The following CRHR1 variants were observed in gnomAD, a reference collection of about 807,000 sequenced individuals.
The protein encoded by CRHR1 is corticotropin-releasing hormone receptor 1.
CRHR1 carries 28 observed loss-of-function variants against 56.0 expected under a neutral mutation model. The ratio of observed to expected loss-of-function variants is 0.50; its 90% CI spans 0.37 to 0.69. The LOEUF (loss-of-function observed/expected upper bound fraction) is 0.69, where lower values mean the gene tolerates loss of function less well. Among genes scored for constraint, CRHR1 ranks in the 30% least tolerant of loss-of-function variants. The pLI is 0.00. For missense variants in CRHR1, 376 were observed against 548.0 expected (o/e 0.69, Z 3.13); for synonymous variants, 195 against 216.5 (o/e 0.90, Z 0.87).
chr17:45,829,280 G>C lies in CRHR1; in HGVS notation c.393G>C (p.Leu131=). ...IINYLGHCIS[L]VALLVAFVLF... ...ACTACCTGGGCCACTGTATCTCCCT[G>C]GTGGCCCTCCTGGTGGCCTTTGTCC... Residue 131 remains leucine (L), a synonymous_variant, in exon 5 of 13, where the codon CTG becomes CTC. Transcript: ENST00000314537. The C allele has an allele frequency of 2.5e-6, 4 of 1,614,118 alleles. No homozygotes were observed. The highest frequency in any genetic ancestry group is 3.4e-6 in the Non-Finnish European group (4 of 1,180,016).
In CRHR1 at chr17:45,797,436, G is replaced by T. The variant is rs563590275; in HGVS notation, c.34-9574G>T. Among the ~76,000 whole-genome samples the T allele has an allele frequency of 2.6e-5, 4 of 151,892 alleles. No individual in the cohort carries two copies. In the South Asian group the frequency reaches 8.4e-4, roughly 32 times the overall value. ...CTCCCGAGGAGCTGGGACTACAGGC[G>T]CCCGCCACCACGCCCAGCTAGTTTT... On this transcript the variant is annotated intron_variant, in intron 1 of 12. Transcript: ENST00000314537.
At chr17:45,815,871 C>A (rs891155200) in intron 2 of CRHR1, among the ~76,000 whole-genome samples, 1 of 152,218 alleles carries the variant, frequency 6.6e-6, no homozygotes, top group African/African-American at 2.4e-5. Context: ...TGTCCTAGGG[C>A]CCTGCACAGA....
chr17:45,795,725 T>G (rs963314577), intron 1 of CRHR1, among the ~76,000 whole-genome samples: 8 of 151,980 alleles, frequency 5.3e-5, no homozygotes, highest in African/African-American at 1.9e-4. Context: ...TGGGGGTGAG[T>G]TGTGAGAAAT....
In CRHR1 at chr17:45,835,188, C is replaced by T. The variant is rs118021845; in HGVS notation, c.*424C>T. 9 of 190,384 alleles carry T rather than the reference C, an allele frequency of 4.7e-5. No individual in the cohort carries two copies. Among genetic ancestry groups the T allele is most frequent in the Admixed American group, 2.3e-4 (4 of 17,662 alleles). The allele number at this position is 190,384 out of a possible 1,614,324, so 11.8% of individuals were successfully genotyped here. On this transcript the variant is annotated 3_prime_UTR_variant, in exon 13 of 13. Coordinates refer to ENST00000314537, the MANE Select transcript of CRHR1 (RefSeq NM_004382.5). ...CTGCCCTGGGGCATCATGGGCAACT[C>T]GTGACAGCCTCTGACTCACCACGAT...
chr17:45,791,436 GAGAC>G (rs1181498311), intron 1 of CRHR1, among the ~76,000 whole-genome samples: 1 of 152,178 alleles, frequency 6.6e-6, no homozygotes, highest in East Asian at 1.9e-4. Flanking sequence ...GGAAGATGCG[GAGAC>G]AGACAGACAG....
At chr17:45,788,295 C>G (rs1458999336) in intron 1 of CRHR1, among the ~76,000 whole-genome samples, 3 of 152,208 alleles carry the variant, frequency 2.0e-5, no homozygotes, top group African/African-American at 7.2e-5. Flanking sequence ...ACAGGTAGGT[C>G]ACCTTCCCTC....
At chr17:45,810,455 C>T (rs2061800795) in intron 2 of CRHR1, among the ~76,000 whole-genome samples, 1 of 151,824 alleles carries the variant, frequency 6.6e-6, no homozygotes, top group East Asian at 1.9e-4. Context: ...AAACGAGTTG[C>T]CCAAACACAC....
intron 10 of CRHR1, 82 bp from the exon 11 acceptor site, chr17:45,833,632 C>A (rs1353942650): frequency 2.5e-5 from 40 of 1,597,868 alleles, no homozygotes; most frequent in Non-Finnish European, 3.3e-5. Context: ...CCTCCCCCGA[C>A]CTGGCCCTCT....
At chr17:45,819,751 T>C (rs939924836) in intron 3 of CRHR1, among the ~76,000 whole-genome samples, 1 of 152,044 alleles carries the variant, frequency 6.6e-6, no homozygotes, top group Non-Finnish European at 1.5e-5. Flanking sequence ...GCTTTAAAAA[T>C]CCATTTAGCC....
At chr17:45,823,083 G>C (rs1044445585) in intron 4 of CRHR1, among the ~76,000 whole-genome samples, 2 of 151,040 alleles carry the variant, frequency 1.3e-5, no homozygotes, top group African/African-American at 4.9e-5. Flanking sequence ...GGCGGAGGTT[G>C]CAGTGAGCCC....
At chr17:45,816,437 G>A in intron 2 of CRHR1, 26 bp from the exon 3 acceptor site, 1 of 1,613,176 alleles carries the variant, frequency 6.2e-7, no homozygotes, top group African/African-American at 1.3e-5. Context: ...ATCTTGCTGT[G>A]CCTTACCAGC....
At chr17:45,814,822 G>A (rs3785877) in intron 2 of CRHR1, among the ~76,000 whole-genome samples, 4,512 of 152,366 alleles carry the variant, frequency 0.03, 74 homozygotes, top group Non-Finnish European at 0.043. Context: ...CACTCCAGCC[G>A]CCTGGCCCGC....
Position 45,834,870 on chromosome 17 carries a change from A to C in CRHR1, c.*106A>C. The C allele has an allele frequency of 2.7e-6, 4 of 1,466,392 alleles. No individual in the cohort carries two copies. Among genetic ancestry groups the C allele is most frequent in the Non-Finnish European group, 3.7e-6 (4 of 1,077,604 alleles). The allele number at this position is 1,466,392 out of a possible 1,614,324, so 90.8% of individuals were successfully genotyped here. ...AGGTGACCTGTTAGGTCTCATGCCCACTCCCCCAGGAGCAGCTGGCACTGA... is the reference window on the plus strand; with the variant it reads ...AGGTGACCTGTTAGGTCTCATGCCCCCTCCCCCAGGAGCAGCTGGCACTGA... On this transcript the variant is annotated 3_prime_UTR_variant, in exon 13 of 13. Coordinates refer to ENST00000314537, the MANE Select transcript of CRHR1 (RefSeq NM_004382.5).
In CRHR1 at chr17:45,833,697, C is replaced by CCCCCCCCCCCCCCCCCCCG; in HGVS notation, c.930-17_930-16insCCCCCCCCCCCCCCCCCCG. The CCCCCCCCCCCCCCCCCCCG allele has an allele frequency of 1.7e-6, 1 of 604,408 alleles. No individual in the cohort carries two copies. The highest frequency in any genetic ancestry group is 3.0e-6 in the Non-Finnish European group (1 of 328,018). 37.4% of individuals were successfully genotyped at this position (604,408 alleles called of 1,614,324 possible). A position where few individuals can be genotyped will look rare whatever the true frequency, so the allele number is the denominator to read the frequency against. On this transcript the variant is annotated splice_polypyrimidine_tract_variant and intron_variant, in intron 10 of 12. Transcript: ENST00000314537. The stretch of plus-strand genomic sequence containing the variant: ...GGTGGGCTGTGACTCCGAGCCTCCC[C>CCCCCCCCCCCCCCCCCCCG]ACCCGCCCCACCCCAGGAAGGCTGT...
chr17:45,833,693 T>TGGGGGGGGGGGGCCC, intron 10 of CRHR1, 21 bp from the exon 11 acceptor site: 5 of 1,571,608 alleles, frequency 3.2e-6, no homozygotes, highest in African/African-American at 1.4e-5. Context: ...ACTCCGAGCC[T>TGGGGGGGGGGGGCCC]CCCCACCCGC....
intron 1 of CRHR1, among the ~76,000 whole-genome samples, chr17:45,792,157 C>G (rs935772461): frequency 2.0e-5 from 3 of 152,106 alleles, no homozygotes; most frequent in Non-Finnish European, 4.4e-5. Flanking sequence ...GCTGGGAGCC[C>G]GAGAGACTCA....
At position 45,784,421 on chromosome 17, in the gene CRHR1, C is replaced by G. The variant is rs1425290673; in HGVS notation, c.-124C>G. 1.1e-6 allele frequency: 1 copy of G among 870,308 alleles called. No homozygotes were observed. The highest frequency in any genetic ancestry group is 1.6e-6 in the Non-Finnish European group (1 of 617,630). 53.9% of individuals were successfully genotyped at this position (870,308 alleles called of 1,614,324 possible). A position where few individuals can be genotyped will look rare whatever the true frequency, so the allele number is the denominator to read the frequency against. On this transcript the variant is annotated 5_prime_UTR_variant, in exon 1 of 13. Transcript: ENST00000314537. The surrounding 1 kb of genome is among the most constrained non-coding windows in gnomAD (Gnocchi z 4.2). The stretch of plus-strand genomic sequence containing the variant: ...AAGCGCCGAGCCGGGCATCTCCTCA[C>G]CAGGCAGCGACCGAGGAGCCCGGCC...
At chr17:45,807,147 C>G in intron 2 of CRHR1, 50 bp downstream of exon 2, 7 of 1,531,130 alleles carry the variant, frequency 4.6e-6, no homozygotes, top group South Asian at 1.1e-5. Flanking sequence ...CCACAATGCC[C>G]CCTACCCCAG....
intron 3 of CRHR1, 150 bp from the exon 4 acceptor site, chr17:45,821,205 G>A: frequency 1.4e-6 from 1 of 704,468 alleles, no homozygotes; most frequent in Non-Finnish European, 2.5e-6. Context: ...TGGTAAGGAA[G>A]CCCCTCTCCC....
Sources: allele counts gnomAD v4.1 joint callset (sites outside exome capture counted in the v4.1 genomes callset), GRCh38; gene constraint gnomAD v4.1.1; non-coding constraint Gnocchi (gnomAD v3.1); transcripts MANE v1.5; gene names NCBI Gene and HGNC (gene_info 2026-07-23, HGNC 2026-07-21).